Variants in VPS8 observed in about 807,000 individuals in gnomAD.
VPS8 encodes the protein vacuolar protein sorting-associated protein 8 homolog.
VPS8 carries 129 observed loss-of-function variants against 216.4 expected under a neutral mutation model. That is an observed-to-expected ratio of 0.60 (90% CI 0.52 to 0.69). The LOEUF is 0.69. Among genes scored for constraint, VPS8 ranks in the 30% least tolerant of loss-of-function variants. The probability of loss-of-function intolerance (pLI) is 0.00; values close to 1 mark genes in which losing one functional copy is unlikely to be tolerated. For missense variants in VPS8, 1,531 were observed against 1,683.5 expected (o/e 0.91, Z 1.59); for synonymous variants, 571 against 565.4 (o/e 1.01, Z -0.14).
chr3:184,845,874 GT>G (rs145207366), intron 8 of VPS8, among the ~76,000 whole-genome samples: 10 of 150,732 alleles, frequency 6.6e-5, no homozygotes, highest in African/African-American at 9.7e-5. Context: ...CATCACTGCT[GT>G]TTTTTTTTAA....
intron 34 of VPS8, among the ~76,000 whole-genome samples, chr3:184,935,803 A>G (rs763224643): frequency 2.6e-5 from 4 of 152,240 alleles, no homozygotes; most frequent in Non-Finnish European, 1.5e-5. Context: ...AAATGCTTGC[A>G]GTTTCTAAAT....
At chr3:184,915,169 A>C in intron 27 of VPS8, 116 bp downstream of exon 27, 1 of 1,369,672 alleles carries the variant, frequency 7.3e-7, no homozygotes, top group Middle Eastern at 1.8e-4. Flanking sequence ...GTTGCAGGAG[A>C]GAGCTTACAC....
intron 26 of VPS8, among the ~76,000 whole-genome samples, 197 bp from the exon 27 acceptor site, chr3:184,914,784 C>A (rs1438843804): frequency 2.0e-5 from 3 of 152,170 alleles, no homozygotes; most frequent in African/African-American, 7.2e-5. Flanking sequence ...GGATGCATTA[C>A]CTCACCTCCA....
At chr3:185,022,109 A>G (rs1756748928) in intron 45 of VPS8, among the ~76,000 whole-genome samples, 1 of 152,130 alleles carries the variant, frequency 6.6e-6, no homozygotes, top group Admixed American at 6.5e-5. Context: ...TTCTTGTGAT[A>G]GTGAGTGAGC....
Position 184,867,636 on chromosome 3 carries a change from A to G in VPS8, c.1471-388A>G, listed in dbSNP as rs1445856408. On this transcript the variant is annotated intron_variant, in intron 17 of 47. Coordinates refer to ENST00000625842, the MANE Select transcript of VPS8 (RefSeq NM_001009921.3). ...CTTGGCGGGCAGATCACATGAGGCTAAGAGTTCAAGACCAGCCTGGCCAAC... is the reference window on the plus strand; with the variant it reads ...CTTGGCGGGCAGATCACATGAGGCTGAGAGTTCAAGACCAGCCTGGCCAAC... Among the ~76,000 whole-genome samples the G allele has an allele frequency of 1.3e-5, 2 of 152,198 alleles. 1 individual carries two copies. The highest frequency in any genetic ancestry group is 2.9e-5 in the Non-Finnish European group (2 of 68,036).
intron 6 of VPS8, 130 bp from the exon 7 acceptor site, chr3:184,839,568 A>G: frequency 1.2e-6 from 1 of 848,780 alleles, no homozygotes; most frequent in Non-Finnish European, 1.8e-6. Flanking sequence ...CCTGGATGAA[A>G]TTCTTCTTAT....
At chr3:184,949,124 A>T (rs997889049) in intron 36 of VPS8, among the ~76,000 whole-genome samples, 1 of 152,060 alleles carries the variant, frequency 6.6e-6, no homozygotes, top group South Asian at 2.1e-4. Context: ...TGGGCAACAC[A>T]GTGAAACTCT....
intron 31 of VPS8, 46 bp from the exon 32 acceptor site, chr3:184,928,405 C>G: frequency 6.9e-7 from 1 of 1,448,318 alleles, no homozygotes; most frequent in Non-Finnish European, 9.2e-7. Flanking sequence ...TCTTAAAGAG[C>G]TAGTAAATTC....
intron 37 of VPS8, among the ~76,000 whole-genome samples, chr3:184,958,489 A>G (rs1238838169): frequency 6.6e-6 from 1 of 152,200 alleles, no homozygotes; most frequent in Admixed American, 6.5e-5. Context: ...TAAAGTATCT[A>G]TAGTTGGGGT....
intron 40 of VPS8, among the ~76,000 whole-genome samples, chr3:184,978,480 C>T (rs1252841441): frequency 6.6e-6 from 1 of 151,880 alleles, no homozygotes; most frequent in East Asian, 1.9e-4. Context: ...GTGGTATGAT[C>T]GACCTCCCAG....
intron 5 of VPS8, chr3:184,836,455 G>T (rs1212323482): frequency 2.7e-6 from 1 of 364,084 alleles, no homozygotes; most frequent in Non-Finnish European, 5.4e-6. Context: ...TCTGAACAAT[G>T]ATTAGATAAA....
In VPS8 at chr3:184,901,036, A is replaced by G. The variant is rs546124831; in HGVS notation, c.2146+64A>G. 1.4e-5 allele frequency: 21 copies of G among 1,462,326 alleles called. No individual in the cohort carries two copies. The African/African-American group carries it at 2.7e-4, about 19-fold the overall frequency. 90.6% of individuals were successfully genotyped at this position (1,462,326 alleles called of 1,614,324 possible). On this transcript the variant is annotated intron_variant, in intron 25 of 47. Transcript: ENST00000625842. ...ATTTAAGGTATTATTTAAATGTTAC[A>G]AAATTGGCCAATTATATGTGTGCAG... is the stretch of plus-strand genomic sequence containing the variant.
chr3:184,939,213 A>G (rs564498404), intron 35 of VPS8, among the ~76,000 whole-genome samples: 56 of 152,262 alleles, frequency 3.7e-4, no homozygotes, highest in Admixed American at 5.2e-4. Context: ...AATTCTTAAA[A>G]TGAAAAATTG....
At chr3:185,024,205 C>T in intron 45 of VPS8, 131 bp from the exon 46 acceptor site, 1 of 821,852 alleles carries the variant, frequency 1.2e-6, no homozygotes, top group Non-Finnish European at 1.8e-6. Context: ...ATCTATTAAT[C>T]TATTAATTTC....
chr3:184,910,361 T>G (rs1244330499), intron 25 of VPS8, among the ~76,000 whole-genome samples: 1 of 152,146 alleles, frequency 6.6e-6, no homozygotes, highest in East Asian at 1.9e-4. Context: ...AGCTCTGCTG[T>G]GCTTGCCACA....
intron 22 of VPS8, among the ~76,000 whole-genome samples, chr3:184,887,003 A>G (rs1435894690): frequency 1.3e-5 from 2 of 152,232 alleles, no homozygotes; most frequent in African/African-American, 4.8e-5. Flanking sequence ...ATCAGTATAA[A>G]TAAACTCTTG....
intron 23 of VPS8, among the ~76,000 whole-genome samples, chr3:184,896,520 AT>A (rs921444144): frequency 4.6e-5 from 7 of 151,786 alleles, no homozygotes; most frequent in Non-Finnish European, 1.0e-4. Flanking sequence ...TGCTATTTTC[AT>A]TTTTTTCCCC....
At chr3:184,932,587 C>A (rs754530152) in intron 34 of VPS8, among the ~76,000 whole-genome samples, 1 of 152,166 alleles carries the variant, frequency 6.6e-6, no homozygotes, top group Non-Finnish European at 1.5e-5. Flanking sequence ...ACAGTTCTTT[C>A]TTCCCCCTTC....
chr3:184,849,381 C>G (rs1723827859), intron 9 of VPS8, 186 bp downstream of exon 9: 1 of 591,498 alleles, frequency 1.7e-6, no homozygotes, highest in Non-Finnish European at 2.6e-6. Flanking sequence ...TCGACTGACC[C>G]AGAGTCTGTA....
Sources: allele counts gnomAD v4.1 joint callset (sites outside exome capture counted in the v4.1 genomes callset), GRCh38; gene constraint gnomAD v4.1.1; transcripts MANE v1.5; gene names NCBI Gene and HGNC (gene_info 2026-07-23, HGNC 2026-07-21).